Variants in POLG observed in about 807,000 individuals in gnomAD.
The protein encoded by POLG is DNA polymerase subunit gamma-1.
Under a neutral mutation model 155.4 loss-of-function variants are expected in POLG, and 110 were observed. The ratio of observed to expected loss-of-function variants is 0.71; its 90% CI spans 0.61 to 0.83. The LOEUF is 0.83. Ranked by LOEUF, POLG falls within the 40% of genes least tolerant of loss-of-function variation. The pLI, the probability that POLG is intolerant of heterozygous loss-of-function variation, is 0.00. For missense variants in POLG, 1,685 were observed against 1,627.5 expected, an observed-to-expected ratio of 1.04 and a Z score of -0.61; for synonymous variants, 701 against 631.5, an observed-to-expected ratio of 1.11 and a Z score of -1.65.
intron 18 of POLG, among the ~76,000 whole-genome samples, chr15:89,320,066 T>G (rs2055372301): frequency 6.6e-6 from 1 of 152,350 alleles, no homozygotes; most frequent in South Asian, 2.1e-4. Context: ...CTTTATCCAC[T>G]GGACGATACT....
rs376683989 is a variant in POLG, at chr15:89,333,601, G to T, written c.154C>A (p.Gln52Lys). Residue 52 changes from glutamine to lysine, a missense_variant, in exon 2 of 23, where the codon CAG (glutamine) becomes AAG (lysine). Gln to Lys is a moderately conservative substitution (Grantham distance 53). Transcript: ENST00000268124. ...TGCGGCTGCTGAGGCTGCTGTTGCT[G>T]CTGCTGCTGCTGCTGCTGCTGCTGC... ...RQQQQQQQQQ[Q>K]QQQPQQPQVL... is the part of the protein sequence containing the mutation. 180 of 1,548,296 alleles carry T rather than the reference G, an allele frequency of 1.2e-4. No individual in the cohort carries two copies. The highest frequency in any genetic ancestry group is 1.5e-4 in the Non-Finnish European group (175 of 1,134,946).
At chr15:89,321,916 C>T (rs776376463) in intron 15 of POLG, 46 bp downstream of exon 15, 34 of 1,609,200 alleles carry the variant, frequency 2.1e-5, no homozygotes, top group Middle Eastern at 3.3e-4. Context: ...GGACCTACCA[C>T]CTCACCTCAG....
chr15:89,324,216 G>C lies in POLG; in HGVS notation c.1961C>G (p.Ser654Cys), dbSNP rs762496721. ...GVVCPYRAIE[S>C]LYRKHCLEQG... ...TTCGAGACAGTGCTTCCTGTACAGG[G>C]ACTCGATGGCTCTGGGCAGAGAACA... The change falls in exon 11 of 23, where the codon TCC becomes TGC. Residue 654 changes from serine to cysteine, a missense_variant. This residue lies in a region of POLG where 1,210 missense variants were observed against 1,167.1 expected (regional missense o/e 1.04). Coordinates refer to ENST00000268124, the MANE Select transcript of POLG (RefSeq NM_002693.3). The C allele has an allele frequency of 6.2e-7, 1 of 1,612,910 alleles. No individual in the cohort carries two copies. Among genetic ancestry groups the C allele is most frequent in the South Asian group, 1.1e-5 (1 of 91,084 alleles).
chr15:89,325,836 A>G, intron 9 of POLG, 150 bp from the exon 10 acceptor site: 1 of 730,040 alleles, frequency 1.4e-6, no homozygotes. Flanking sequence ...CTCCTCTGGG[A>G]TGCTTTAGCC....
rs1418568120 is a variant in POLG, at chr15:89,333,384, T to C, written c.371A>G (p.Glu124Gly). 3 of 1,585,372 alleles carry C rather than the reference T, an allele frequency of 1.9e-6. No homozygotes were observed. Among genetic ancestry groups the C allele is most frequent in the Non-Finnish European group, 2.6e-6 (3 of 1,169,064 alleles). The change falls in exon 2 of 23, where the codon GAG becomes GGG. Residue 124 changes from glutamate (E) to glycine (G), a missense_variant. Physicochemically the swap from Glu to Gly is moderately conservative, Grantham distance 98. Transcript: ENST00000268124. ...CCCGTAGAGGGGCGGCAGGCGCAGC[T>C]CCACGTCGGGCAAGGGCACGGCTGG... is the stretch of plus-strand genomic sequence containing the variant. ...GQPAVPLPDV[E>G]LRLPPLYGDN...
chr15:89,323,907 G>T lies in POLG; in HGVS notation c.2071-6C>A. ...AAGTAATCCAGTTCTTCTACCTGGA[G>T]CAGTCCAAGGACCAAAGTAGTGAAG... On this transcript the variant is annotated splice_region_variant and splice_polypyrimidine_tract_variant and intron_variant, in intron 11 of 22. Coordinates refer to ENST00000268124, the MANE Select transcript of POLG (RefSeq NM_002693.3). 1 of 1,609,974 alleles carries T rather than the reference G, an allele frequency of 6.2e-7. No individual in the cohort carries two copies. The highest frequency in any genetic ancestry group is 8.5e-7 in the Non-Finnish European group (1 of 1,176,200).
At chr15:89,323,999 TCTGGG>T in intron 11 of POLG, 98 bp from the exon 12 acceptor site, 1 of 1,562,418 alleles carries the variant, frequency 6.4e-7, no homozygotes, top group Middle Eastern at 1.7e-4. Context: ...TGCAGGCCAG[TCTGGG>T]GTGAGCCACC....
chr15:89,322,638 A>C (rs1326341742), intron 14 of POLG, 104 bp downstream of exon 14: 1 of 1,289,024 alleles, frequency 7.8e-7, no homozygotes, highest in East Asian at 2.3e-5. Context: ...AGGCCTCTAG[A>C]CCATAGTCAG....
In POLG at chr15:89,325,219, TGA is replaced by T. The variant is rs772903933; in HGVS notation, c.1949+229_1949+230del. On this transcript the variant is annotated intron_variant, in intron 10 of 22. Coordinates refer to ENST00000268124, the MANE Select transcript of POLG (RefSeq NM_002693.3). ...GAGAGTGAGTGAGAGAGTGAGTGAG[TGA>T]GAGAGTGAGTGAGAGAGTGAGTGAG... is the stretch of plus-strand genomic sequence containing the variant. Among the ~76,000 whole-genome samples, 26 of 40,268 alleles carry T rather than the reference TGA, an allele frequency of 6.5e-4. 2 individuals carry two copies. Among genetic ancestry groups the T allele is most frequent in the East Asian group, 1.1e-3 (2 of 1,772 alleles). 26.4% of individuals were successfully genotyped at this position (40,268 alleles called of 152,430 possible).
Position 89,327,302 on chromosome 15 carries a change from G to A in POLG, c.1298C>T (p.Ser433Phe), listed in dbSNP as rs771921569. 1.2e-6 allele frequency: 2 copies of A among 1,614,108 alleles called. No individual in the cohort carries two copies. The highest frequency in any genetic ancestry group is 1.7e-6 in the Non-Finnish European group (2 of 1,180,042). Residue 433 changes from serine to phenylalanine, a missense_variant, in exon 7 of 23, where the codon TCC (serine) becomes TTC (phenylalanine). Around this residue, in one of 3 missense-constraint regions of POLG, gnomAD observed 1,210 missense variants for 1,167.1 expected, o/e 1.04. Coordinates refer to ENST00000268124, the MANE Select transcript of POLG (RefSeq NM_002693.3). ...CCAGTTCTGGTTGACAGGCAGGTAGGAGACACCCATCTCCAGCATGCCGGC... is the reference window on the plus strand; with the variant it reads ...CCAGTTCTGGTTGACAGGCAGGTAGAAGACACCCATCTCCAGCATGCCGGC... The part of the protein sequence containing the change: ...TLAGMLEMGV[S>F]YLPVNQNWER...
At position 89,324,108 on chromosome 15, in the gene POLG, G is replaced by C; in HGVS notation, c.2069C>G (p.Thr690Arg). ...LLTDNSAIWQTVEELDYLEVE... is the reference protein window; with the variant it reads ...LLTDNSAIWQRVEELDYLEVE... ...CTCAGGTTCAGAGCCTGCCCTCACC[G>C]TTTGCCATATGGCACTATTGTCAGT... Residue 690 changes from threonine to arginine, a missense_variant and splice_region_variant, in exon 11 of 23, where the codon ACG becomes AGG. This residue lies in a region of POLG where 1,210 missense variants were observed against 1,167.1 expected (regional missense o/e 1.04). Coordinates refer to ENST00000268124, the MANE Select transcript of POLG (RefSeq NM_002693.3). The C allele has an allele frequency of 6.2e-7, 1 of 1,613,944 alleles. No homozygotes were observed. Among genetic ancestry groups the C allele is most frequent in the Non-Finnish European group, 8.5e-7 (1 of 1,180,032 alleles).
intron 10 of POLG, among the ~76,000 whole-genome samples, chr15:89,325,098 G>GAGAA (rs1567189279): frequency 1.7e-4 from 14 of 83,162 alleles, no homozygotes; most frequent in African/African-American, 1.1e-3. Flanking sequence ...GTGAGTGAGT[G>GAGAA]AGAGAGTGAG....
Position 89,320,833 on chromosome 15 carries a change from G to C in POLG, c.2914C>G (p.Arg972Gly), listed in dbSNP as rs762972003. ...AERLLMQFNH[R>G]LTQQEAAEKA... is the part of the protein sequence containing the mutation. ...TCAGCTGCCTCCTGCTGTGTGAGCC[G>C]GTGGTTAAACTGCATTAGTAAGCGC... The change falls in exon 18 of 23, where the codon CGG (arginine) becomes GGG (glycine). Residue 972 changes from arginine to glycine, a missense_variant. Arg to Gly is a moderately radical substitution (Grantham distance 125). Coordinates refer to ENST00000268124, the MANE Select transcript of POLG (RefSeq NM_002693.3). 3 of 1,613,864 alleles carry C rather than the reference G, an allele frequency of 1.9e-6. No individual in the cohort carries two copies. The highest frequency in any genetic ancestry group is 2.5e-6 in the Non-Finnish European group (3 of 1,179,982).
chr15:89,329,415 G>A (rs930716989), intron 3 of POLG, among the ~76,000 whole-genome samples: 2 of 152,112 alleles, frequency 1.3e-5, no homozygotes, highest in African/African-American at 4.8e-5. Context: ...GATACAGAGT[G>A]GCCAAAATAA....
At chr15:89,325,251 A>AGTGAGT (rs1567189957) in intron 10 of POLG, among the ~76,000 whole-genome samples, 199 bp downstream of exon 10, 3 of 79,638 alleles carry the variant, frequency 3.8e-5, no homozygotes, top group African/African-American at 3.3e-4. Flanking sequence ...AGTGAGTGAG[A>AGTGAGT]GAGAGAGTGA....
rs758974154 is a variant in POLG, at chr15:89,318,790, A to T, written c.3274-41T>A. On this transcript the variant is annotated intron_variant, in intron 20 of 22. Transcript: ENST00000268124. ...GGGCAGAGGTGAAAGGGGCTATGCTACATACCAATTAACTCCAGGGTAGAA... is the reference window on the plus strand; with the variant it reads ...GGGCAGAGGTGAAAGGGGCTATGCTTCATACCAATTAACTCCAGGGTAGAA... 1.9e-6 allele frequency: 3 copies of T among 1,578,234 alleles called. No individual in the cohort carries two copies. The Admixed American group carries it at 5.0e-5, about 26-fold the overall frequency.
chr15:89,328,872 C>A, intron 4 of POLG, 41 bp from the exon 5 acceptor site: 1 of 1,614,014 alleles, frequency 6.2e-7, no homozygotes, highest in Non-Finnish European at 8.5e-7. Flanking sequence ...TCAGCCTGGC[C>A]TCGGGCCAGA....
At chr15:89,334,127 C>A (rs1015948724) in intron 1 of POLG, 2 of 351,356 alleles carry the variant, frequency 5.7e-6, no homozygotes, top group Admixed American at 4.6e-5. Flanking sequence ...CGTGGGGAAG[C>A]CGAGGGCAGC....
chr15:89,333,316 T>C lies in POLG; in HGVS notation c.439A>G (p.Ser147Gly), dbSNP rs774011106. 5.1e-6 allele frequency: 8 copies of C among 1,557,624 alleles called. No homozygotes were observed. The highest frequency in any genetic ancestry group is 6.1e-6 in the Non-Finnish European group (7 of 1,151,504). The change falls in exon 2 of 23, where the codon AGC becomes GGC. Residue 147 changes from serine (S) to glycine (G), a missense_variant. This residue lies in a region of POLG where 1,210 missense variants were observed against 1,167.1 expected (regional missense o/e 1.04). Coordinates refer to ENST00000268124, the MANE Select transcript of POLG (RefSeq NM_002693.3). Reference sequence around the variant, plus strand: ...TTGGCCGCCTCCAGGTAGGGCAGGCTCTGCTTCTGGGCCAGGAGGCGGAAG... The same window carrying C: ...TTGGCCGCCTCCAGGTAGGGCAGGCCCTGCTTCTGGGCCAGGAGGCGGAAG... ...QHFRLLAQKQ[S>G]LPYLEAANLL...
Sources: gnomAD v4.1 joint callset for allele counts (sites outside exome capture counted in the v4.1 genomes callset) on GRCh38, gnomAD v4.1.1 for gene constraint, gnomAD v4.1.1 regional missense constraint, MANE v1.5 for transcripts, NCBI Gene and HGNC (gene_info 2026-07-23, HGNC 2026-07-21) for gene names.